WWOX: variants seen among roughly 807,000 people sequenced by gnomAD.
WWOX encodes WW domain containing oxidoreductase.
A neutral mutation model predicts 46.2 loss-of-function variants in WWOX; 69 were observed. That is an observed-to-expected ratio of 1.49 (90% CI 1.23 to 1.82). The LOEUF (loss-of-function observed/expected upper bound fraction) is 1.82, where lower values mean the gene tolerates loss of function less well. WWOX is among the 40% of genes most tolerant of loss of function. The pLI is 0.00. For synonymous variants in WWOX, 359 were observed against 202.6 expected, an observed-to-expected ratio of 1.77 and a Z score of -6.56; for missense variants, 919 against 542.6, an observed-to-expected ratio of 1.69 and a Z score of -6.89.
intron 8 of WWOX, among the ~76,000 whole-genome samples, chr16:78,579,932 A>T (rs2045006504): frequency 6.6e-6 from 1 of 152,276 alleles, no homozygotes; most frequent in Non-Finnish European, 1.5e-5. Context: ...TCTGTTCTGA[A>T]TGTTAAAATG....
chr16:78,281,294 T>A (rs2079674225), intron 5 of WWOX, among the ~76,000 whole-genome samples: 2 of 152,174 alleles, frequency 1.3e-5, no homozygotes, highest in African/African-American at 4.8e-5. Flanking sequence ...ATTACGGACA[T>A]GTTTCAACAT....
chr16:79,089,101 G>A (rs1427443542), intron 8 of WWOX, among the ~76,000 whole-genome samples: 1 of 152,082 alleles, frequency 6.6e-6, no homozygotes, highest in Admixed American at 6.5e-5. Context: ...CTGTACCAAG[G>A]GTGCGAATGT....
intron 8 of WWOX, among the ~76,000 whole-genome samples, chr16:78,540,219 C>G (rs768758947): frequency 6.6e-6 from 1 of 151,208 alleles, no homozygotes; most frequent in Admixed American, 6.6e-5. Flanking sequence ...TGGGATTGAT[C>G]TCCTGCAGCA....
At chr16:78,764,177 G>T (rs769331947) in intron 8 of WWOX, among the ~76,000 whole-genome samples, 1 of 152,120 alleles carries the variant, frequency 6.6e-6, no homozygotes, top group Non-Finnish European at 1.5e-5. Flanking sequence ...AGGTTACAGG[G>T]TGCCATATTG....
intron 8 of WWOX, among the ~76,000 whole-genome samples, chr16:78,731,924 T>C (rs2048980051): frequency 6.6e-6 from 1 of 151,318 alleles, no homozygotes; most frequent in African/African-American, 2.4e-5. Flanking sequence ...CACAGCTCTT[T>C]GCAGCCTTGA....
chr16:78,455,137 A>G (rs1280846695), intron 8 of WWOX, among the ~76,000 whole-genome samples: 1 of 152,164 alleles, frequency 6.6e-6, no homozygotes, highest in Non-Finnish European at 1.5e-5. Context: ...TTGAGGATAG[A>G]TAGAAGAGGA....
At chr16:79,197,373 C>G (rs1482338931) in intron 8 of WWOX, among the ~76,000 whole-genome samples, 1 of 152,182 alleles carries the variant, frequency 6.6e-6, no homozygotes, top group African/African-American at 2.4e-5. Flanking sequence ...TGTACATTTC[C>G]TCCCAACTCT....
At chr16:78,814,984 C>T (rs974806394) in intron 8 of WWOX, among the ~76,000 whole-genome samples, 14 of 152,156 alleles carry the variant, frequency 9.2e-5, no homozygotes, top group African/African-American at 3.4e-4. Flanking sequence ...ATTTAATTTT[C>T]AGGCTTGCTC....
chr16:78,838,066 G>T lies in WWOX; in HGVS notation c.1057-373542G>T, dbSNP rs1436665685. On this transcript the variant is annotated intron_variant, in intron 8 of 8. Transcript: ENST00000566780. ...AGTTAGAGGCCAGGAACCCATCTTG[G>T]CTGTGTGCCTTCTGCTTTGTCTCTG... 2.0e-5 allele frequency among the ~76,000 whole-genome samples: 3 copies of T among 152,128 alleles called. 1 individual carries two copies. In the South Asian group the frequency reaches 6.2e-4, roughly 32 times the overall value.
intron 8 of WWOX, among the ~76,000 whole-genome samples, chr16:78,936,404 G>A (rs2045738380): frequency 6.6e-6 from 1 of 152,070 alleles, no homozygotes; most frequent in South Asian, 2.1e-4. Context: ...GATCTCCCCA[G>A]GATGGGTAAG....
chr16:78,154,374 A>G (rs537284858), intron 4 of WWOX, among the ~76,000 whole-genome samples: 10 of 152,062 alleles, frequency 6.6e-5, no homozygotes, highest in African/African-American at 2.2e-4. Flanking sequence ...CTAAATCCAC[A>G]GGCTCCCGCT....
intron 8 of WWOX, among the ~76,000 whole-genome samples, chr16:79,155,933 T>C (rs1312415393): frequency 6.6e-6 from 1 of 152,028 alleles, no homozygotes; most frequent in African/African-American, 2.4e-5. Context: ...CTCTGTTGAT[T>C]TCTAAACATC....
chr16:78,960,359 G>A (rs1296362380), intron 8 of WWOX, among the ~76,000 whole-genome samples: 1 of 152,156 alleles, frequency 6.6e-6, no homozygotes, highest in African/African-American at 2.4e-5. Flanking sequence ...CGTGTTTGTT[G>A]CTGCTGAGTG....
chr16:78,866,512 C>G (rs1032121810), intron 8 of WWOX, among the ~76,000 whole-genome samples: 1 of 151,898 alleles, frequency 6.6e-6, no homozygotes, highest in South Asian at 2.1e-4. Context: ...AAACGAAGAA[C>G]AGTTGCTGAA....
rs576921283 is a variant in WWOX, at chr16:78,904,593, A to C, written c.1057-307015A>C. On this transcript the variant is annotated intron_variant, in intron 8 of 8. Transcript: ENST00000566780. Reference sequence around the variant, plus strand: ...TGGAAATGTAAACCCTCCCTTCCCCAGGTCAGCCTGCCTCCCAGGTGTTGG... The same window carrying C: ...TGGAAATGTAAACCCTCCCTTCCCCCGGTCAGCCTGCCTCCCAGGTGTTGG... Among the ~76,000 whole-genome samples, 11 of 152,102 alleles carry C rather than the reference A, an allele frequency of 7.2e-5. No individual in the cohort carries two copies. The East Asian group carries it at 2.1e-3, about 30-fold the overall frequency.
At chr16:79,186,189 G>A (rs1311893170) in intron 8 of WWOX, among the ~76,000 whole-genome samples, 1 of 152,136 alleles carries the variant, frequency 6.6e-6, no homozygotes, top group Non-Finnish European at 1.5e-5. Flanking sequence ...GAAGAGACAT[G>A]AGCCAGATGA....
intron 8 of WWOX, among the ~76,000 whole-genome samples, chr16:78,845,052 A>G (rs528940084): frequency 6.6e-6 from 1 of 152,112 alleles, no homozygotes; most frequent in South Asian, 2.1e-4. Context: ...CTACAGACAA[A>G]TGGAAAACCT....
chr16:79,080,714 C>G (rs757282604), intron 8 of WWOX, among the ~76,000 whole-genome samples: 4 of 152,146 alleles, frequency 2.6e-5, no homozygotes, highest in Admixed American at 6.5e-5. Flanking sequence ...TACCTGTAAT[C>G]CCAGCCACTT....
intron 8 of WWOX, among the ~76,000 whole-genome samples, chr16:78,522,288 A>G (rs1293084629): frequency 6.6e-6 from 1 of 152,162 alleles, no homozygotes; most frequent in Non-Finnish European, 1.5e-5. Context: ...AACTAGTGAA[A>G]TCAAGACACC....
Sources: gnomAD v4.1 joint callset for allele counts (sites outside exome capture counted in the v4.1 genomes callset) on GRCh38, gnomAD v4.1.1 for gene constraint, MANE v1.5 for transcripts, NCBI Gene and HGNC (gene_info 2026-07-23, HGNC 2026-07-21) for gene names.